GATA3: variants seen among roughly 807,000 people sequenced by gnomAD.
The protein encoded by GATA3 is GATA binding protein 3.
A neutral mutation model predicts 36.0 loss-of-function variants in GATA3; 6 were observed. That is an observed-to-expected ratio of 0.17 (90% CI 0.09 to 0.33). GATA3 has a LOEUF of 0.33. GATA3 is among the 10% of genes least tolerant of loss of function. The probability of loss-of-function intolerance (pLI) is 1.00; values close to 1 mark genes in which losing one functional copy is unlikely to be tolerated. For synonymous variants in GATA3, 326 were observed against 273.0 expected (o/e 1.19, Z -1.92); for missense variants, 514 against 610.1 (o/e 0.84, Z 1.66).
Position 8,074,072 on chromosome 10 carries a change from C to T in GATA3, c.*49C>T. The stretch of plus-strand genomic sequence containing the variant: ...CCCCCAGCGAGAGTCCCTGCAGTCC[C>T]TTTCGACTTGCATTTTTGCAGGAGC... On this transcript the variant is annotated 3_prime_UTR_variant, in exon 6 of 6. Transcript: ENST00000379328. 1 of 1,593,128 alleles carries T rather than the reference C, an allele frequency of 6.3e-7. No homozygotes were observed. The highest frequency in any genetic ancestry group is 8.6e-7 in the Non-Finnish European group (1 of 1,167,884).
chr10:8,061,727 G>T (rs1312321095), intron 3 of GATA3, among the ~76,000 whole-genome samples: 1 of 152,220 alleles, frequency 6.6e-6, no homozygotes, highest in Non-Finnish European at 1.5e-5. Context: ...AGCTTTCAAG[G>T]TGTTTCTGAA....
exon 1 of GATA3, chr10:8,045,472 A>G (rs1027131306): frequency 1.3e-5 from 2 of 152,172 alleles, no homozygotes; most frequent in African/African-American, 4.8e-5. Context: ...GCGAGTCAGG[A>G]AAAAAAATAA....
intron 3 of GATA3, among the ~76,000 whole-genome samples, chr10:8,060,533 T>C (rs1347800975): frequency 3.5e-5 from 2 of 57,808 alleles, no homozygotes; most frequent in Non-Finnish European, 4.3e-5. Context: ...TCTTTTCTTT[T>C]TCTTTTTTTT....
chr10:8,073,208 A>G (rs1010956247), intron 5 of GATA3, among the ~76,000 whole-genome samples: 1 of 151,158 alleles, frequency 6.6e-6, no homozygotes, highest in South Asian at 2.1e-4. Context: ...ATAAAATACA[A>G]CCCGGCTACA....
At chr10:8,057,976 G>A (rs1430264363) in intron 2 of GATA3, among the ~76,000 whole-genome samples, 1 of 152,138 alleles carries the variant, frequency 6.6e-6, no homozygotes, top group African/African-American at 2.4e-5. Flanking sequence ...TGATTTAGGC[G>A]GTGTATCTGG....
At chr10:8,071,331 C>T (rs1832927958) in intron 5 of GATA3, among the ~76,000 whole-genome samples, 1 of 152,128 alleles carries the variant, frequency 6.6e-6, no homozygotes. Context: ...AAAGGGAATG[C>T]TCTCTTTTTT....
chr10:8,055,596 C>A lies in GATA3; in HGVS notation c.-60C>A. On this transcript the variant is annotated 5_prime_UTR_variant, in exon 2 of 6. Coordinates refer to ENST00000379328, the MANE Select transcript of GATA3 (RefSeq NM_001002295.2). This position sits in a 1 kb window ranked among gnomAD's most constrained non-coding sequence, Gnocchi z 5.4. The stretch of plus-strand genomic sequence containing the variant: ...GCCCCCCGACCTCCCAGGCGGACCG[C>A]CCTCCCTCCCCGCGCGCGGGTTCCG... The A allele has an allele frequency of 6.5e-7, 1 of 1,531,068 alleles. No individual in the cohort carries two copies. The allele number at this position is 1,531,068 out of a possible 1,614,324, so 94.8% of individuals were successfully genotyped here.
chr10:8,049,501 G>T (rs1181932169), upstream of GATA3, among the ~76,000 whole-genome samples: 1 of 152,212 alleles, frequency 6.6e-6, no homozygotes, highest in African/African-American at 2.4e-5. Flanking sequence ...GAGTGGCAGA[G>T]ACAGAGATAA....
intron 4 of GATA3, among the ~76,000 whole-genome samples, chr10:8,064,738 A>C (rs568727): frequency 0.59 from 90,236 of 152,128 alleles, 26,970 homozygotes; most frequent in South Asian, 0.74. Context: ...TGGTCTCAGC[A>C]TTTGAGAACT....
intron 3 of GATA3, among the ~76,000 whole-genome samples, chr10:8,060,101 GT>G (rs1302976946): frequency 6.6e-6 from 1 of 152,140 alleles, no homozygotes; most frequent in Non-Finnish European, 1.5e-5. Context: ...AGTTTTCAGG[GT>G]TTTTTTCCAG....
At position 8,074,592 on chromosome 10, in the gene GATA3, A is replaced by G. The variant is rs1832985255; in HGVS notation, c.*569A>G. ...CAAAGCTGTTGGCCTCTGCAAAGGA[A>G]ATACCAGTTCTGGGCAATCAGTGTT... On this transcript the variant is annotated 3_prime_UTR_variant, in exon 6 of 6. Coordinates refer to ENST00000379328, the MANE Select transcript of GATA3 (RefSeq NM_001002295.2). The G allele has an allele frequency of 4.3e-6, 1 of 233,980 alleles. No individual in the cohort carries two copies. Among genetic ancestry groups the G allele is most frequent in the Admixed American group, 5.6e-5 (1 of 17,800 alleles). The allele number at this position is 233,980 out of a possible 1,614,324, so 14.5% of individuals were successfully genotyped here.
Position 8,055,952 on chromosome 10 carries a change from G to A in GATA3, c.241+56G>A. ...CCGGCCGCTTCAGCCGTCCCGGCTC[G>A]GGGAGGTCGGGAGGGACCTGAGGGC... On this transcript the variant is annotated intron_variant, in intron 2 of 5. Coordinates refer to ENST00000379328, the MANE Select transcript of GATA3 (RefSeq NM_001002295.2). This position sits in a 1 kb window ranked among gnomAD's most constrained non-coding sequence, Gnocchi z 5.4. The A allele has an allele frequency of 1.3e-6, 2 of 1,548,482 alleles. No individual in the cohort carries two copies. The highest frequency in any genetic ancestry group is 1.7e-6 in the Non-Finnish European group (2 of 1,145,560).
In GATA3 at chr10:8,058,692, G is replaced by T. The variant is rs1832693976; in HGVS notation, c.629G>T (p.Gly210Val). 1.2e-6 allele frequency: 2 copies of T among 1,613,096 alleles called. No individual in the cohort carries two copies. Among genetic ancestry groups the T allele is most frequent in the Admixed American group, 1.7e-5 (1 of 60,020 alleles). Residue 210 changes from glycine (G) to valine (V), a missense_variant, in exon 3 of 6, where the codon GGA becomes GTA. Physicochemically the swap from Gly to Val is moderately radical, Grantham distance 109 (BLOSUM62 -3). Transcript: ENST00000379328. ...HSRGSMTALG[G>V]ASSSTHHPIT... is the part of the protein sequence containing the mutation. ...CGTGGCAGCATGACCGCCCTGGGTG[G>T]AGCCTCCTCGTCGACCCACCACCCC...
At chr10:8,067,762 G>A (rs1249916956) in intron 4 of GATA3, among the ~76,000 whole-genome samples, 1 of 152,210 alleles carries the variant, frequency 6.6e-6, no homozygotes, top group East Asian at 1.9e-4. Flanking sequence ...AGCTTGCAGT[G>A]AGCCGAGATC....
At position 8,055,791 on chromosome 10, in the gene GATA3, G is replaced by C; in HGVS notation, c.136G>C (p.Glu46Gln). 6.3e-7 allele frequency: 1 copy of C among 1,593,554 alleles called. No homozygotes were observed. The highest frequency in any genetic ancestry group is 8.5e-7 in the Non-Finnish European group (1 of 1,170,216). Reference protein sequence around the residue: ...MDAAQYPLPEEVDVLFNIDGQ... With the variant: ...MDAAQYPLPEQVDVLFNIDGQ... Reference sequence around the variant, plus strand: ...CGCGGCGCAGTACCCGCTGCCGGAGGAGGTGGATGTGCTTTTTAACATCGA... The same window carrying C: ...CGCGGCGCAGTACCCGCTGCCGGAGCAGGTGGATGTGCTTTTTAACATCGA... Residue 46 changes from glutamate (E) to glutamine (Q), a missense_variant, in exon 2 of 6, where the codon GAG becomes CAG. By Grantham distance (29) the Glu-to-Gln change is conservative. Transcript: ENST00000379328. The surrounding 1 kb of genome is among the most constrained non-coding windows in gnomAD (Gnocchi z 5.4).
chr10:8,059,464 A>C (rs3781094), intron 3 of GATA3, among the ~76,000 whole-genome samples: 80,358 of 152,086 alleles, frequency 0.53, 23,474 homozygotes, highest in South Asian at 0.68. Context: ...GGGGAAGCAG[A>C]GTTGAATGAA....
At chr10:8,052,046 G>A (rs1200705118), upstream of GATA3, among the ~76,000 whole-genome samples, 1 of 152,152 alleles carries the variant, frequency 6.6e-6, no homozygotes, top group Non-Finnish European at 1.5e-5. Flanking sequence ...GTGTGGCGTC[G>A]GCGAGACTGG....
intron 2 of GATA3, among the ~76,000 whole-genome samples, chr10:8,057,540 C>CT (rs1832660877): frequency 6.6e-6 from 1 of 152,116 alleles, no homozygotes; most frequent in Admixed American, 6.5e-5. Context: ...TCTCCTTCTC[C>CT]TTTAGGATTT....
Position 8,074,249 on chromosome 10 carries a change from C to T in GATA3, c.*226C>T, listed in dbSNP as rs373580523. Reference sequence around the variant, plus strand: ...GTGAATAAGCCATTCTGACTCATATCCCCTATTTAACAGGGTCTCTAGTGC... The same window carrying T: ...GTGAATAAGCCATTCTGACTCATATTCCCTATTTAACAGGGTCTCTAGTGC... On this transcript the variant is annotated 3_prime_UTR_variant, in exon 6 of 6. Transcript: ENST00000379328. 8.7e-6 allele frequency: 5 copies of T among 577,548 alleles called. No individual in the cohort carries two copies. The Admixed American group carries it at 1.3e-4, about 15-fold the overall frequency. The allele number at this position is 577,548 out of a possible 1,614,324, so 35.8% of individuals were successfully genotyped here. A position where few individuals can be genotyped will look rare whatever the true frequency, so the allele number is the denominator to read the frequency against.
Sources: gnomAD v4.1 joint callset for allele counts (sites outside exome capture counted in the v4.1 genomes callset) on GRCh38, gnomAD v4.1.1 for gene constraint, Gnocchi (gnomAD v3.1) non-coding constraint, MANE v1.5 for transcripts, NCBI Gene and HGNC (gene_info 2026-07-23, HGNC 2026-07-21) for gene names.